Variants in SP140L observed in about 807,000 individuals in gnomAD.
SP140L encodes the protein SP140 like nuclear body protein.
Under a neutral mutation model 84.3 loss-of-function variants are expected in SP140L, and 64 were observed. The observed-to-expected ratio is 0.76, with a 90% confidence interval of 0.62 to 0.94. The LOEUF (loss-of-function observed/expected upper bound fraction) is 0.94. SP140L is among the 40% of genes least tolerant of loss of function. SP140L has a pLI of 0.00. For synonymous variants in SP140L, 242 were observed against 236.9 expected (o/e 1.02, Z -0.20); for missense variants, 628 against 692.5 (o/e 0.91, Z 1.05).
intron 2 of SP140L, among the ~76,000 whole-genome samples, chr2:230,354,894 A>AAAGAAAGAAAGAAAGG (rs1221299840): frequency 6.1e-5 from 9 of 148,684 alleles, no homozygotes; most frequent in East Asian, 4.0e-4. Flanking sequence ...AGAAAGAAAG[A>AAAGAAAGAAAGAAAGG]AAGGAAAGAG....
At chr2:230,354,868 A>AGAAAGAAT (rs2060480629) in intron 2 of SP140L, among the ~76,000 whole-genome samples, 1 of 139,650 alleles carries the variant, frequency 7.2e-6, no homozygotes, top group Non-Finnish European at 1.5e-5. Flanking sequence ...AAAGAAAGAA[A>AGAAAGAAT]GAAAGAAAGA....
At chr2:230,401,289 A>C in intron 16 of SP140L, 77 bp from the exon 17 acceptor site, 3 of 1,610,442 alleles carry the variant, frequency 1.9e-6, no homozygotes, top group Non-Finnish European at 2.5e-6. Context: ...GAAGGGTGTG[A>C]GTCGTGTGCT....
chr2:230,401,804 CA>C lies in SP140L; in HGVS notation c.1643del (p.Lys548SerfsTer40). 1 of 1,524,096 alleles carries C rather than the reference CA, an allele frequency of 6.6e-7. No homozygotes were observed. The highest frequency in any genetic ancestry group is 1.3e-5 in the South Asian group (1 of 75,438). 94.4% of individuals were successfully genotyped at this position (1,524,096 alleles called of 1,614,324 possible). The stretch of plus-strand genomic sequence containing the variant: ...TCTTCCAGAACCACAGGGCCTCTTA[CA>C]AGGTAGGTGGCTCTTCCTGCTTCCA... ...LIFQNHRASY[K>X]YKDFGQMGLR... On this transcript the variant is annotated frameshift_variant and splice_region_variant, in exon 18 of 19. Transcript: ENST00000415673. LOFTEE classifies it low-confidence loss of function (END_TRUNC).
intron 14 of SP140L, among the ~76,000 whole-genome samples, chr2:230,399,173 A>G (rs1420809674): frequency 6.6e-6 from 1 of 152,240 alleles, no homozygotes; most frequent in Non-Finnish European, 1.5e-5. Flanking sequence ...AATACAGCAT[A>G]TAATGTATTG....
intron 2 of SP140L, among the ~76,000 whole-genome samples, chr2:230,354,848 GGAA>G (rs1399717396): frequency 4.6e-5 from 5 of 108,838 alleles, no homozygotes; most frequent in Non-Finnish European, 8.9e-5. Flanking sequence ...AAGAAAGAAA[GGAA>G]AGAAAGAAAG....
intron 2 of SP140L, among the ~76,000 whole-genome samples, chr2:230,354,085 T>C (rs182909103): frequency 1.2e-3 from 182 of 152,282 alleles, no homozygotes; most frequent in African/African-American, 4.2e-3. Flanking sequence ...ATAGTTACCA[T>C]TTGGAATTTC....
intron 2 of SP140L, among the ~76,000 whole-genome samples, chr2:230,345,727 G>T (rs574898047): frequency 6.6e-6 from 1 of 151,880 alleles, no homozygotes; most frequent in Non-Finnish European, 1.5e-5. Flanking sequence ...CTGATTTTAA[G>T]CTAACAACTT....
At chr2:230,363,863 G>A (rs766278821) in intron 5 of SP140L, among the ~76,000 whole-genome samples, 4 of 152,030 alleles carry the variant, frequency 2.6e-5, no homozygotes, top group East Asian at 3.8e-4. Context: ...ATGAAATAGG[G>A]TCTAATTTCA....
At chr2:230,401,877 A>C (rs2062357574) in intron 18 of SP140L, 70 bp downstream of exon 18, 1 of 1,588,824 alleles carries the variant, frequency 6.3e-7, no homozygotes, top group South Asian at 1.1e-5. Flanking sequence ...GCCTAGAAAA[A>C]TTTAGTTTCC....
At chr2:230,328,656 G>T in intron 1 of SP140L, 101 bp from the exon 2 acceptor site, 3 of 1,414,618 alleles carry the variant, frequency 2.1e-6, no homozygotes, top group Admixed American at 5.5e-5. Flanking sequence ...TTGCACATAT[G>T]CAAGTATTTC....
chr2:230,332,257 TAGAG>T (rs1168711381), intron 2 of SP140L, among the ~76,000 whole-genome samples: 2 of 152,328 alleles, frequency 1.3e-5, no homozygotes, highest in East Asian at 3.9e-4. Context: ...AAAACATACA[TAGAG>T]AGATTAAAAT....
intron 5 of SP140L, among the ~76,000 whole-genome samples, chr2:230,366,653 A>G (rs916332554): frequency 5.3e-5 from 8 of 150,478 alleles, no homozygotes; most frequent in Non-Finnish European, 1.2e-4. Flanking sequence ...ATTGCTAGGC[A>G]AGTACCTACT....
At chr2:230,385,395 A>G (rs1349868633) in intron 9 of SP140L, 91 bp downstream of exon 9, 1 of 1,139,626 alleles carries the variant, frequency 8.8e-7, no homozygotes, top group Non-Finnish European at 1.3e-6. Flanking sequence ...ATTGTTTACT[A>G]GTCAAACTTA....
chr2:230,363,758 A>G (rs1394652522), intron 5 of SP140L, among the ~76,000 whole-genome samples: 1 of 152,102 alleles, frequency 6.6e-6, no homozygotes, highest in African/African-American at 2.4e-5. Context: ...GACCAATGTC[A>G]TGGAGCTTTT....
At chr2:230,389,467 T>A (rs991968531) in intron 10 of SP140L, among the ~76,000 whole-genome samples, 1 of 152,066 alleles carries the variant, frequency 6.6e-6, no homozygotes, top group Admixed American at 6.6e-5. Flanking sequence ...GCTGTCTCCA[T>A]TAGGTTATCT....
At chr2:230,396,376 A>G (rs896308201) in intron 13 of SP140L, among the ~76,000 whole-genome samples, 2 of 152,254 alleles carry the variant, frequency 1.3e-5, no homozygotes, top group Admixed American at 1.3e-4. Flanking sequence ...AGAGCAATTC[A>G]TGAATTGGGC....
chr2:230,337,869 C>G (rs980529095), intron 2 of SP140L, among the ~76,000 whole-genome samples: 1 of 152,042 alleles, frequency 6.6e-6, no homozygotes, highest in African/African-American at 2.4e-5. Flanking sequence ...CGTTTTGGTA[C>G]CAGTACCATG....
intron 13 of SP140L, among the ~76,000 whole-genome samples, chr2:230,394,733 C>A (rs1244718982): frequency 6.6e-6 from 1 of 152,146 alleles, no homozygotes; most frequent in African/African-American, 2.4e-5. Context: ...GAACAGAGGT[C>A]CCCCGAGTGG....
chr2:230,397,008 G>A (rs2062081529), intron 14 of SP140L, among the ~76,000 whole-genome samples: 1 of 152,198 alleles, frequency 6.6e-6, no homozygotes, highest in African/African-American at 2.4e-5. Context: ...ATCTGTTTCA[G>A]TGGAAACCCT....
Sources: gnomAD v4.1 joint callset for allele counts (sites outside exome capture counted in the v4.1 genomes callset) on GRCh38, gnomAD v4.1.1 for gene constraint, MANE v1.5 for transcripts, NCBI Gene and HGNC (gene_info 2026-07-23, HGNC 2026-07-21) for gene names.